Variants in CDH13 observed in about 807,000 individuals in gnomAD.
CDH13 encodes cadherin-13.
A neutral mutation model predicts 63.8 loss-of-function variants in CDH13; 24 were observed. The observed-to-expected ratio is 0.38, with a 90% CI of 0.27 to 0.53. CDH13 has a LOEUF of 0.53. Among genes scored for constraint, CDH13 ranks in the 20% least tolerant of loss-of-function variants. CDH13 has a pLI of 0.85. For synonymous variants in CDH13, 503 were observed against 355.3 expected, an observed-to-expected ratio of 1.42 and a Z score of -4.67; for missense variants, 1,049 against 903.1, an observed-to-expected ratio of 1.16 and a Z score of -2.07.
chr16:83,572,570 C>T (rs1424486485), intron 7 of CDH13, among the ~76,000 whole-genome samples: 2 of 152,162 alleles, frequency 1.3e-5, no homozygotes, highest in Non-Finnish European at 2.9e-5. Flanking sequence ...GAGCACAGTG[C>T]CTGGCAACAT....
At chr16:83,151,284 C>T (rs565666685) in intron 4 of CDH13, among the ~76,000 whole-genome samples, 326 of 152,304 alleles carry the variant, frequency 2.1e-3, no homozygotes, top group South Asian at 3.5e-3. Flanking sequence ...TTAGAATTCC[C>T]TGGCATGCTT....
At chr16:82,999,158 C>T (rs894138069) in intron 2 of CDH13, among the ~76,000 whole-genome samples, 1 of 152,140 alleles carries the variant, frequency 6.6e-6, no homozygotes, top group African/African-American at 2.4e-5. Flanking sequence ...GTCCTCTTAT[C>T]TATGTACCTT....
chr16:83,171,109 T>C (rs1197747895), intron 4 of CDH13, among the ~76,000 whole-genome samples: 1 of 152,114 alleles, frequency 6.6e-6, no homozygotes, highest in Non-Finnish European at 1.5e-5. Context: ...TTCTGCAGGC[T>C]GTGCAGGAAG....
chr16:83,632,449 CTGTT>C (rs1464305461), intron 8 of CDH13, among the ~76,000 whole-genome samples: 1 of 152,072 alleles, frequency 6.6e-6, no homozygotes. Flanking sequence ...TGAATGCTTT[CTGTT>C]TATTATCACG....
chr16:83,144,273 G>A (rs1354227024), intron 4 of CDH13, among the ~76,000 whole-genome samples: 1 of 152,166 alleles, frequency 6.6e-6, no homozygotes, highest in Non-Finnish European at 1.5e-5. Context: ...TTGTTCCTGC[G>A]GTTGACACTC....
chr16:83,479,394 C>T (rs994017221), intron 6 of CDH13, among the ~76,000 whole-genome samples: 4 of 152,120 alleles, frequency 2.6e-5, no homozygotes, highest in African/African-American at 9.7e-5. Flanking sequence ...CAGCTGGGCG[C>T]GGTGGTTCAC....
chr16:83,636,948 C>G (rs879428097), intron 8 of CDH13, among the ~76,000 whole-genome samples: 3 of 152,154 alleles, frequency 2.0e-5, no homozygotes, highest in Non-Finnish European at 2.9e-5. Context: ...GAACAAAAGC[C>G]ATTCCAACTG....
At chr16:82,846,425 T>A (rs572483798) in intron 1 of CDH13, among the ~76,000 whole-genome samples, 1 of 152,286 alleles carries the variant, frequency 6.6e-6, no homozygotes, top group Admixed American at 6.5e-5. Flanking sequence ...TGAGCCAGTT[T>A]CTGTCCTGAA....
At chr16:83,102,930 C>CTTTTTTTTTTTTTT (rs71148812) in intron 3 of CDH13, among the ~76,000 whole-genome samples, 3 of 96,924 alleles carry the variant, frequency 3.1e-5, no homozygotes, top group Non-Finnish European at 5.7e-5. Flanking sequence ...TTTTCTTTTT[C>CTTTTTTTTTTTTTT]TTTTTTTTTT....
chr16:83,034,150 C>T (rs1452518539), intron 3 of CDH13, among the ~76,000 whole-genome samples: 1 of 152,152 alleles, frequency 6.6e-6, no homozygotes, highest in Non-Finnish European at 1.5e-5. Context: ...ATAAGTGGCT[C>T]ATGTGCCACC....
chr16:83,336,088 G>T (rs2090588622), intron 5 of CDH13, among the ~76,000 whole-genome samples: 1 of 151,970 alleles, frequency 6.6e-6, no homozygotes, highest in South Asian at 2.1e-4. Context: ...ATCACCTGAG[G>T]TCAGGAGTTC....
intron 7 of CDH13, among the ~76,000 whole-genome samples, chr16:83,561,762 T>C (rs1321682191): frequency 6.6e-6 from 1 of 152,224 alleles, no homozygotes; most frequent in Non-Finnish European, 1.5e-5. Flanking sequence ...GCGGAATAAA[T>C]TGTGCCTGCT....
chr16:83,022,615 G>A (rs1396557015), intron 2 of CDH13, among the ~76,000 whole-genome samples: 11 of 152,162 alleles, frequency 7.2e-5, no homozygotes, highest in Non-Finnish European at 1.6e-4. Flanking sequence ...AGATCCTGGA[G>A]GTGGATCTGT....
intron 5 of CDH13, among the ~76,000 whole-genome samples, chr16:83,336,566 C>T (rs1385853010): frequency 3.9e-5 from 6 of 152,188 alleles, no homozygotes; most frequent in Non-Finnish European, 7.3e-5. Context: ...TGCTTTGATT[C>T]TGTGTGATTT....
intron 6 of CDH13, among the ~76,000 whole-genome samples, chr16:83,393,814 C>T (rs925442755): frequency 6.6e-6 from 1 of 152,108 alleles, no homozygotes; most frequent in African/African-American, 2.4e-5. Flanking sequence ...TACATGTTCA[C>T]CCCCTAGTGG....
intron 10 of CDH13, among the ~76,000 whole-genome samples, chr16:83,690,285 T>C (rs1326763472): frequency 6.6e-6 from 1 of 152,144 alleles, no homozygotes; most frequent in African/African-American, 2.4e-5. Flanking sequence ...TGGTGATTAA[T>C]GCAAAGAAAG....
At chr16:83,651,064 G>C (rs1912328685) in intron 8 of CDH13, among the ~76,000 whole-genome samples, 1 of 151,900 alleles carries the variant, frequency 6.6e-6, no homozygotes, top group African/African-American at 2.4e-5. Flanking sequence ...TCACGCAAGT[G>C]TATTCCAGCC....
chr16:82,930,404 C>T (rs1055167196), intron 2 of CDH13, among the ~76,000 whole-genome samples: 1 of 152,070 alleles, frequency 6.6e-6, no homozygotes, highest in African/African-American at 2.4e-5. Context: ...CTTTTCTAAG[C>T]ACTTTATATA....
chr16:83,711,025 A>G (rs1907960555), intron 10 of CDH13, among the ~76,000 whole-genome samples: 1 of 152,236 alleles, frequency 6.6e-6, no homozygotes, highest in Non-Finnish European at 1.5e-5. Flanking sequence ...AGCATGGATC[A>G]GTGATCCTCA....
Sources: gnomAD v4.1 joint callset for allele counts (sites outside exome capture counted in the v4.1 genomes callset) on GRCh38, gnomAD v4.1.1 for gene constraint, MANE v1.5 for transcripts, NCBI Gene and HGNC (gene_info 2026-07-23, HGNC 2026-07-21) for gene names.